The following SH2D4B variants were observed in gnomAD, a reference collection of about 807,000 sequenced individuals.
SH2D4B encodes the protein SH2 domain containing 4B.
In SH2D4B, 45 loss-of-function variants were observed where a neutral mutation model predicts 61.5. The observed-to-expected ratio is 0.73, with a 90% confidence interval of 0.58 to 0.94. The LOEUF (loss-of-function observed/expected upper bound fraction) is 0.94. SH2D4B is among the 40% of genes least tolerant of loss of function. SH2D4B has a pLI of 0.00. For missense variants in SH2D4B, 572 were observed against 574.2 expected (o/e 1.00, Z 0.04); for synonymous variants, 224 against 220.4 (o/e 1.02, Z -0.14).
At position 80,634,402 on chromosome 10, in the gene SH2D4B, G is replaced by GGTTCAAACACCTT; in HGVS notation, c.1116_1117insCTTGTTCAAACAC (p.Phe373LeufsTer32). On this transcript the variant is annotated frameshift_variant, in exon 7 of 8. Transcript: ENST00000646907. LOFTEE classifies it high-confidence loss of function. ...ACCCTCTCCTACCGCCTGCAGAAAG[G>GGTTCAAACACCTT]GTTCAAACACTTTCTTGTGGATGCT... 12 of 1,550,604 alleles carry GGTTCAAACACCTT rather than the reference G, an allele frequency of 7.7e-6. No homozygotes were observed. Among genetic ancestry groups the GGTTCAAACACCTT allele is most frequent in the Non-Finnish European group, 1.0e-5 (12 of 1,146,992 alleles).
intron 6 of SH2D4B, among the ~76,000 whole-genome samples, chr10:80,616,312 G>A (rs535361525): frequency 1.2e-4 from 19 of 152,272 alleles, no homozygotes; most frequent in African/African-American, 4.3e-4. Context: ...GACCTCAAAT[G>A]CAAAACTTTC....
chr10:80,646,168 A>G lies in SH2D4B; in HGVS notation c.*2083A>G, dbSNP rs983329581. ...AGGTATTTCTAACAACAACCACAAT[A>G]ACAATAACAACTTAGTGCTTAGCCC... On this transcript the variant is annotated 3_prime_UTR_variant, in exon 8 of 8. Coordinates refer to ENST00000646907, the MANE Select transcript of SH2D4B (RefSeq NM_001388272.1). The G allele has an allele frequency of 3.2e-4, 49 of 152,752 alleles. No individual in the cohort carries two copies. Among genetic ancestry groups the G allele is most frequent in the African/African-American group, 1.1e-3 (47 of 41,566 alleles). 9.5% of individuals were successfully genotyped at this position (152,752 alleles called of 1,614,324 possible).
chr10:80,603,748 C>T lies in SH2D4B; in HGVS notation c.813C>T (p.His271=), dbSNP rs776542696. ...ATGAGCAGGAGGCAAGACTCTACCA[C>T]CACCTCCCCGACCCGGGTCTGCCGC... ...QSHEQEARLY[H]HLPDPGLPQP... The change falls in exon 5 of 8, where the codon CAC becomes CAT. Residue 271 remains histidine, a synonymous_variant. Transcript: ENST00000646907. The T allele has an allele frequency of 1.9e-6, 3 of 1,613,120 alleles. No homozygotes were observed. The highest frequency in any genetic ancestry group is 2.5e-6 in the Non-Finnish European group (3 of 1,179,934).
At chr10:80,629,173 A>T (rs1461084638) in intron 6 of SH2D4B, among the ~76,000 whole-genome samples, 1 of 152,158 alleles carries the variant, frequency 6.6e-6, no homozygotes, top group Non-Finnish European at 1.5e-5. Context: ...ATGAGGCCTC[A>T]GGAAGCTTCC....
intron 1 of SH2D4B, among the ~76,000 whole-genome samples, chr10:80,546,671 G>A (rs1002065880): frequency 6.6e-6 from 1 of 151,820 alleles, no homozygotes; most frequent in East Asian, 1.9e-4. Flanking sequence ...ACCTACAGGC[G>A]CCCACCACCG....
chr10:80,540,742 T>G (rs1841566405), intron 1 of SH2D4B: 1 of 1,343,384 alleles, frequency 7.4e-7, no homozygotes, highest in Non-Finnish European at 1.0e-6. Flanking sequence ...AATGGGGCAG[T>G]GCTTGTCCTG....
intron 6 of SH2D4B, among the ~76,000 whole-genome samples, chr10:80,612,582 C>T (rs1842615763): frequency 6.6e-6 from 1 of 152,196 alleles, no homozygotes; most frequent in Admixed American, 6.5e-5. Context: ...CCTTGTACCT[C>T]ACAGAGCTGA....
At chr10:80,588,457 A>G (rs1468321873) in intron 3 of SH2D4B, among the ~76,000 whole-genome samples, 173 bp from the exon 4 acceptor site, 1 of 152,180 alleles carries the variant, frequency 6.6e-6, no homozygotes, top group Non-Finnish European at 1.5e-5. Flanking sequence ...TCCAAAAACA[A>G]CTGTCTATGG....
At chr10:80,577,369 TA>T (rs1310571931) in intron 3 of SH2D4B, among the ~76,000 whole-genome samples, 4 of 151,986 alleles carry the variant, frequency 2.6e-5, no homozygotes, top group African/African-American at 9.7e-5. Flanking sequence ...CTTCCTGAAT[TA>T]TTAACCTGCA....
chr10:80,556,095 A>G (rs1458121607), intron 1 of SH2D4B, among the ~76,000 whole-genome samples: 1 of 152,108 alleles, frequency 6.6e-6, no homozygotes, highest in African/African-American at 2.4e-5. Context: ...CTTGACAGCT[A>G]CAATGTGGAC....
intron 6 of SH2D4B, among the ~76,000 whole-genome samples, chr10:80,626,857 T>C (rs1399826383): frequency 6.6e-6 from 1 of 152,246 alleles, no homozygotes; most frequent in Non-Finnish European, 1.5e-5. Context: ...GAGAGAGCAC[T>C]GGACTTGGAG....
intron 6 of SH2D4B, among the ~76,000 whole-genome samples, chr10:80,610,714 G>A (rs906236054): frequency 2.6e-5 from 4 of 152,148 alleles, no homozygotes; most frequent in Non-Finnish European, 5.9e-5. Flanking sequence ...AATAGCATCC[G>A]TGTCATGTTG....
At chr10:80,554,866 G>A (rs1044191400) in intron 1 of SH2D4B, among the ~76,000 whole-genome samples, 2 of 151,870 alleles carry the variant, frequency 1.3e-5, no homozygotes, top group East Asian at 1.9e-4. Flanking sequence ...AAAATTAGCC[G>A]GGCGTAGTGG....
intron 4 of SH2D4B, 35 bp from the exon 5 acceptor site, chr10:80,603,544 G>C: frequency 1.3e-6 from 2 of 1,494,644 alleles, no homozygotes; most frequent in Non-Finnish European, 1.8e-6. Context: ...CCTGGGCTGC[G>C]GATCTGGGCT....
chr10:80,565,552 C>G (rs1841955010), intron 1 of SH2D4B, among the ~76,000 whole-genome samples: 1 of 152,114 alleles, frequency 6.6e-6, no homozygotes, highest in Non-Finnish European at 1.5e-5. Context: ...TGCACCACCA[C>G]ACCCAACTGA....
At chr10:80,541,833 C>G (rs1375334483) in intron 1 of SH2D4B, among the ~76,000 whole-genome samples, 1 of 152,142 alleles carries the variant, frequency 6.6e-6, no homozygotes, top group Non-Finnish European at 1.5e-5. Context: ...TTGGAACCCA[C>G]AGAAGTAAGC....
At chr10:80,606,267 T>C (rs1326906702) in intron 5 of SH2D4B, among the ~76,000 whole-genome samples, 3 of 114,684 alleles carry the variant, frequency 2.6e-5, no homozygotes, top group Non-Finnish European at 3.7e-5. Context: ...ATTTATACTC[T>C]TTTTTTTTTT....
intron 1 of SH2D4B, among the ~76,000 whole-genome samples, chr10:80,549,189 G>A (rs556672867): frequency 7.6e-5 from 1 of 13,212 alleles, no homozygotes; most frequent in Admixed American, 1.4e-3. Flanking sequence ...TCCGAGAGCT[G>A]TGATGGGACT....
intron 6 of SH2D4B, among the ~76,000 whole-genome samples, chr10:80,627,188 G>C (rs554199904): frequency 6.6e-6 from 1 of 152,314 alleles, no homozygotes; most frequent in East Asian, 1.9e-4. Flanking sequence ...ATGTAGCCAT[G>C]AAGCAATTCT....
Sources: allele counts gnomAD v4.1 joint callset (sites outside exome capture counted in the v4.1 genomes callset), GRCh38; gene constraint gnomAD v4.1.1; transcripts MANE v1.5; gene names NCBI Gene and HGNC (gene_info 2026-07-23, HGNC 2026-07-21).